Variants in HOMER1 observed in about 807,000 individuals in gnomAD.
HOMER1 encodes homer scaffold protein 1.
A neutral mutation model predicts 48.9 loss-of-function variants in HOMER1; 3 were observed. That is an observed-to-expected ratio of 0.06 (90% confidence interval 0.03 to 0.16). The LOEUF (loss-of-function observed/expected upper bound fraction) is 0.16. Ranked by LOEUF, HOMER1 falls within the 10% of genes least tolerant of loss-of-function variation. The pLI, the probability that HOMER1 is intolerant of heterozygous loss-of-function variation, is 1.00. For missense variants in HOMER1, 247 were observed against 411.4 expected (o/e 0.60, Z 3.46); for synonymous variants, 134 against 146.4 (o/e 0.92, Z 0.61).
intron 8 of HOMER1, among the ~76,000 whole-genome samples, chr5:79,383,081 T>A (rs1749023061): frequency 6.6e-6 from 1 of 152,192 alleles, no homozygotes; most frequent in Non-Finnish European, 1.5e-5. Context: ...CAGGAGTAGC[T>A]ATACCTATAT....
chr5:79,446,390 C>CTTAA (rs1561366909), intron 4 of HOMER1, among the ~76,000 whole-genome samples: 1 of 152,172 alleles, frequency 6.6e-6, no homozygotes, highest in African/African-American at 2.4e-5. Context: ...TCTTGACCAC[C>CTTAA]TTAAGACTTT....
chr5:79,446,262 C>A (rs547840528), intron 4 of HOMER1, among the ~76,000 whole-genome samples: 1 of 152,284 alleles, frequency 6.6e-6, no homozygotes, highest in East Asian at 1.9e-4. Context: ...AGTTTAGAGC[C>A]CCCTGAAATT....
chr5:79,463,360 T>A (rs918510518), intron 1 of HOMER1, among the ~76,000 whole-genome samples: 3 of 152,188 alleles, frequency 2.0e-5, no homozygotes, highest in Admixed American at 2.0e-4. Context: ...AGGAATATTC[T>A]CTGAAACGGT....
chr5:79,488,821 C>G (rs2112354053), intron 1 of HOMER1, among the ~76,000 whole-genome samples: 1 of 152,250 alleles, frequency 6.6e-6, no homozygotes, highest in Middle Eastern at 3.4e-3. Flanking sequence ...TCTCATTTCA[C>G]AGATGAGGAA....
At chr5:79,377,346 C>G (rs754173725) in intron 8 of HOMER1, among the ~76,000 whole-genome samples, 25 of 152,012 alleles carry the variant, frequency 1.6e-4, no homozygotes, top group Non-Finnish European at 2.6e-4. Context: ...ATAAATCAAG[C>G]TAATGATTTC....
chr5:79,424,645 T>C (rs1750192845), intron 5 of HOMER1, among the ~76,000 whole-genome samples: 1 of 152,062 alleles, frequency 6.6e-6, no homozygotes, highest in Non-Finnish European at 1.5e-5. Context: ...AGTGTTCTCA[T>C]ATGACAACAA....
intron 4 of HOMER1, 42 bp downstream of exon 4, chr5:79,447,011 A>C: frequency 8.4e-7 from 1 of 1,186,548 alleles, no homozygotes; most frequent in Non-Finnish European, 1.3e-6. Context: ...ATTATCTGAA[A>C]TGAACAAGGT....
intron 5 of HOMER1, among the ~76,000 whole-genome samples, chr5:79,431,738 G>A (rs977115415): frequency 6.6e-6 from 1 of 152,124 alleles, no homozygotes; most frequent in South Asian, 2.1e-4. Flanking sequence ...GAAAATGGCA[G>A]ACAGAAAACA....
chr5:79,496,228 A>T (rs1752416997), intron 1 of HOMER1, among the ~76,000 whole-genome samples: 1 of 152,186 alleles, frequency 6.6e-6, no homozygotes, highest in African/African-American at 2.4e-5. Flanking sequence ...GAACTGACTG[A>T]AAGTTTAAAT....
intron 3 of HOMER1, among the ~76,000 whole-genome samples, chr5:79,448,944 AG>A (rs1750957294): frequency 6.6e-6 from 1 of 151,970 alleles, no homozygotes. Flanking sequence ...GCTGGTCAAA[AG>A]CATATGCTAA....
At chr5:79,447,504 G>A (rs955442658) in intron 3 of HOMER1, among the ~76,000 whole-genome samples, 1 of 152,130 alleles carries the variant, frequency 6.6e-6, no homozygotes, top group Non-Finnish European at 1.5e-5. Context: ...GTTTATCATT[G>A]AGAAAACTGA....
At chr5:79,430,801 G>T (rs1750400513) in intron 5 of HOMER1, among the ~76,000 whole-genome samples, 1 of 151,608 alleles carries the variant, frequency 6.6e-6, no homozygotes, top group Non-Finnish European at 1.5e-5. Flanking sequence ...GCTGAGCATG[G>T]TGGCGCACGC....
chr5:79,386,200 A>G (rs1749105966), intron 8 of HOMER1, among the ~76,000 whole-genome samples: 1 of 152,228 alleles, frequency 6.6e-6, no homozygotes. Flanking sequence ...AATACTAAAG[A>G]CATGGAATCA....
intron 1 of HOMER1, among the ~76,000 whole-genome samples, chr5:79,470,286 C>T (rs1426712765): frequency 6.6e-6 from 1 of 152,140 alleles, no homozygotes; most frequent in Non-Finnish European, 1.5e-5. Context: ...TGAAAATGTA[C>T]AATATCAGAA....
chr5:79,475,311 A>G (rs1466446572), intron 1 of HOMER1, among the ~76,000 whole-genome samples: 3 of 115,068 alleles, frequency 2.6e-5, no homozygotes, highest in African/African-American at 9.7e-5. Context: ...ATACTGAGTC[A>G]CTGGATGGGA....
chr5:79,495,345 A>G (rs1752392312), intron 1 of HOMER1, among the ~76,000 whole-genome samples: 1 of 152,116 alleles, frequency 6.6e-6, no homozygotes, highest in African/African-American at 2.4e-5. Flanking sequence ...AACCACTCAT[A>G]CATCTTCCCC....
At chr5:79,503,342 G>T (rs543052500) in intron 1 of HOMER1, among the ~76,000 whole-genome samples, 31 of 151,582 alleles carry the variant, frequency 2.0e-4, no homozygotes, top group Middle Eastern at 3.4e-3. Context: ...AGACCAGCCT[G>T]GAAAACACGA....
intron 5 of HOMER1, among the ~76,000 whole-genome samples, chr5:79,417,926 T>C (rs988155058): frequency 1.3e-5 from 2 of 152,214 alleles, no homozygotes; most frequent in African/African-American, 2.4e-5. Context: ...TGTGAAAAGA[T>C]ATGGATAATT....
At chr5:79,377,227 A>G (rs1404547241) in intron 8 of HOMER1, among the ~76,000 whole-genome samples, 1 of 152,170 alleles carries the variant, frequency 6.6e-6, no homozygotes, top group African/African-American at 2.4e-5. Context: ...CGGCCTCCAA[A>G]TGTGCTAGGA....
Sources: allele counts gnomAD v4.1 joint callset (sites outside exome capture counted in the v4.1 genomes callset), GRCh38; gene constraint gnomAD v4.1.1; transcripts MANE v1.5; gene names NCBI Gene and HGNC (gene_info 2026-07-23, HGNC 2026-07-21).